Variants in TAB2 observed in about 807,000 individuals in gnomAD.
TAB2 encodes TGF-beta-activated kinase 1 and MAP3K7-binding protein 2.
Under a neutral mutation model 65.0 loss-of-function variants are expected in TAB2, and 3 were observed. The ratio of observed to expected loss-of-function variants is 0.05; its 90% confidence interval spans 0.02 to 0.12. The LOEUF is 0.12. Among genes scored for constraint, TAB2 ranks in the 10% least tolerant of loss-of-function variants. TAB2 has a pLI of 1.00. For missense variants in TAB2, 623 were observed against 840.3 expected (o/e 0.74, Z 3.20); for synonymous variants, 298 against 285.1 (o/e 1.05, Z -0.46).
In TAB2 at chr6:149,354,565, G is replaced by A. The variant is rs1206406312; in HGVS notation, c.-89-15344G>A. On this transcript the variant is annotated intron_variant, in intron 1 of 6. Transcript: ENST00000637181. ...AAATTTATTTGTGTGTTTTTTATTAGATCAAGAAGGTGTATAATGAAGAGT... is the reference window on the plus strand; with the variant it reads ...AAATTTATTTGTGTGTTTTTTATTAAATCAAGAAGGTGTATAATGAAGAGT... Among the ~76,000 whole-genome samples, 3 of 152,184 alleles carry A rather than the reference G, an allele frequency of 2.0e-5. No individual in the cohort carries two copies. In the East Asian group the frequency reaches 5.8e-4, roughly 29 times the overall value.
intron 1 of TAB2, among the ~76,000 whole-genome samples, chr6:149,259,007 C>A (rs186219274): frequency 1.3e-5 from 2 of 152,100 alleles, no homozygotes; most frequent in African/African-American, 2.4e-5. Context: ...CACCTCTAGA[C>A]GCTAGAAAGG....
chr6:149,266,431 C>T (rs1778266789), intron 1 of TAB2, among the ~76,000 whole-genome samples: 1 of 152,178 alleles, frequency 6.6e-6, no homozygotes, highest in South Asian at 2.1e-4. Flanking sequence ...TGAGAACACC[C>T]CACTCCTTCC....
At chr6:149,316,331 A>C (rs1464792036), upstream of TAB2, among the ~76,000 whole-genome samples, 1 of 152,248 alleles carries the variant, frequency 6.6e-6, no homozygotes, top group Non-Finnish European at 1.5e-5. Flanking sequence ...AGGATGAATG[A>C]GGAAAAAGGA....
intron 1 of TAB2, among the ~76,000 whole-genome samples, chr6:149,319,464 A>T (rs1231636891): frequency 6.6e-6 from 1 of 152,226 alleles, no homozygotes; most frequent in African/African-American, 2.4e-5. Context: ...AATTAGAAAC[A>T]ATGGGAAGAA....
At chr6:149,400,356 T>A (rs1291644129) in intron 6 of TAB2, 1 of 1,604,218 alleles carries the variant, frequency 6.2e-7, no homozygotes, top group Non-Finnish European at 8.5e-7. Context: ...CCACCTCTTT[T>A]GTGAAGCAGC....
chr6:149,379,828 C>T, intron 3 of TAB2: 1 of 452,502 alleles, frequency 2.2e-6, no homozygotes, highest in Non-Finnish European at 4.4e-6. Context: ...GTGATGCTGA[C>T]TTTCTCTTTA....
At chr6:149,351,122 C>G (rs1047098765) in intron 1 of TAB2, among the ~76,000 whole-genome samples, 3 of 147,868 alleles carry the variant, frequency 2.0e-5, no homozygotes, top group African/African-American at 7.3e-5. Flanking sequence ...TTTCCCACTT[C>G]CTCCTCAGCC....
intron 1 of TAB2, among the ~76,000 whole-genome samples, chr6:149,266,093 T>A (rs1308784800): frequency 6.6e-6 from 1 of 152,244 alleles, no homozygotes; most frequent in Non-Finnish European, 1.5e-5. Flanking sequence ...TAAGTCACCT[T>A]AGAAGATAAG....
chr6:149,266,072 A>T (rs1255048574), intron 1 of TAB2, among the ~76,000 whole-genome samples: 2 of 152,258 alleles, frequency 1.3e-5, no homozygotes, highest in African/African-American at 4.8e-5. Flanking sequence ...AAGTGATATT[A>T]GCTTTCAGTA....
chr6:149,375,749 A>T (rs1045093094), intron 2 of TAB2, among the ~76,000 whole-genome samples: 1 of 152,180 alleles, frequency 6.6e-6, no homozygotes, highest in Non-Finnish European at 1.5e-5. Context: ...ATCTAATTAT[A>T]ATAGGAATCG....
Position 149,370,119 on chromosome 6 carries a change from T to C in TAB2, c.102+20T>C, listed in dbSNP as rs776301189. The C allele has an allele frequency of 6.3e-6, 10 of 1,599,224 alleles. No homozygotes were observed. On this transcript the variant is annotated intron_variant, in intron 2 of 6. Transcript: ENST00000637181. ...TTACAGGTCAGTGTTCAATGATTTCTGAATTTGTTAATACAAACCTGGTAT... is the reference window on the plus strand; with the variant it reads ...TTACAGGTCAGTGTTCAATGATTTCCGAATTTGTTAATACAAACCTGGTAT...
intron 1 of TAB2, among the ~76,000 whole-genome samples, chr6:149,357,464 C>CACACAT (rs1562432050): frequency 2.6e-4 from 39 of 147,866 alleles, no homozygotes; most frequent in African/African-American, 9.6e-4. Context: ...CACACACACA[C>CACACAT]ACATTTTAGC....
chr6:149,370,042 C>G lies in TAB2; in HGVS notation c.45C>G (p.Asp15Glu). The change falls in exon 2 of 7, where the codon GAC becomes GAG. Residue 15 changes from aspartate (D) to glutamate (E), a missense_variant. This residue lies in a region of TAB2 where 17 missense variants were observed against 44.2 expected (regional missense o/e 0.38). Coordinates refer to ENST00000637181, the MANE Select transcript of TAB2 (RefSeq NM_001292034.3). Reference protein sequence around the residue: ...SHQIDFQVLHDLRQKFPEVPE... With the variant: ...SHQIDFQVLHELRQKFPEVPE... Reference sequence around the variant, plus strand: ...AAATTGATTTTCAGGTTTTACATGACCTGCGACAAAAATTCCCTGAAGTAC... The same window carrying G: ...AAATTGATTTTCAGGTTTTACATGAGCTGCGACAAAAATTCCCTGAAGTAC... The G allele has an allele frequency of 6.2e-7, 1 of 1,614,118 alleles. No homozygotes were observed. Among genetic ancestry groups the G allele is most frequent in the Admixed American group, 1.7e-5 (1 of 60,012 alleles).
At chr6:149,273,874 G>T (rs1562396219) in intron 1 of TAB2, among the ~76,000 whole-genome samples, 2 of 152,220 alleles carry the variant, frequency 1.3e-5, no homozygotes, top group South Asian at 2.1e-4. Flanking sequence ...TGAGATGTGA[G>T]ATTTGAGTTT....
intron 1 of TAB2, among the ~76,000 whole-genome samples, chr6:149,250,226 G>A (rs1226820133): frequency 6.6e-6 from 1 of 152,040 alleles, no homozygotes; most frequent in African/African-American, 2.4e-5. Context: ...GAAAGAAGAA[G>A]GATAAAGCCA....
At chr6:149,357,430 A>AAAAAAAAAAACACACACAC in intron 1 of TAB2, among the ~76,000 whole-genome samples, 1 of 111,146 alleles carries the variant, frequency 9.0e-6, no homozygotes, top group African/African-American at 3.4e-5. Flanking sequence ...AGAAAAAAAA[A>AAAAAAAAAAACACACACAC]ACACACACAC....
At chr6:149,316,462 T>C (rs1255722253), upstream of TAB2, among the ~76,000 whole-genome samples, 2 of 152,260 alleles carry the variant, frequency 1.3e-5, no homozygotes, top group African/African-American at 2.4e-5. Context: ...AATGGTCCTT[T>C]AGGATTTTTC....
intron 3 of TAB2, among the ~76,000 whole-genome samples, chr6:149,394,115 T>G (rs955605798): frequency 6.6e-5 from 10 of 152,162 alleles, no homozygotes; most frequent in Non-Finnish European, 1.3e-4. Context: ...AAGTTTTTTT[T>G]GTTCTTTTTT....
chr6:149,391,553 A>G (rs1468664776), intron 3 of TAB2, among the ~76,000 whole-genome samples: 2 of 151,842 alleles, frequency 1.3e-5, no homozygotes, highest in African/African-American at 4.8e-5. Context: ...TATCAGGGAC[A>G]GGGGCAGGGG....
Sources: gnomAD v4.1 joint callset for allele counts (sites outside exome capture counted in the v4.1 genomes callset) on GRCh38, gnomAD v4.1.1 for gene constraint, gnomAD v4.1.1 regional missense constraint, MANE v1.5 for transcripts, NCBI Gene and HGNC (gene_info 2026-07-23, HGNC 2026-07-21) for gene names.